The following MACF1 variants were observed in gnomAD, a reference collection of about 807,000 sequenced individuals.
MACF1 encodes the protein microtubule actin crosslinking factor 1, also known as microtubule-actin cross-linking factor 1.
A neutral mutation model predicts 854.8 loss-of-function variants in MACF1; 193 were observed. The observed-to-expected ratio is 0.23, with a 90% CI of 0.20 to 0.25. The LOEUF is 0.25. Ranked by LOEUF, MACF1 falls within the 10% of genes least tolerant of loss-of-function variation. The probability of loss-of-function intolerance (pLI) is 1.00; values close to 1 mark genes in which losing one functional copy is unlikely to be tolerated. For missense variants in MACF1, 7,722 were observed against 8,929.1 expected, an observed-to-expected ratio of 0.86 and a Z score of 5.45; for synonymous variants, 3,185 against 3,226.7, an observed-to-expected ratio of 0.99 and a Z score of 0.44.
rs34578005 is a variant in MACF1, at chr1:39,253,509, A to ATTTTT, written c.358-771_358-767dup. 7.0e-4 allele frequency among the ~76,000 whole-genome samples: 64 copies of ATTTTT among 91,524 alleles called. 1 individual carries two copies. Among genetic ancestry groups the ATTTTT allele is most frequent in the Non-Finnish European group, 9.2e-4 (45 of 49,164 alleles). 60.0% of individuals were successfully genotyped at this position (91,524 alleles called of 152,430 possible). On this transcript the variant is annotated intron_variant, in intron 4 of 100. Transcript: ENST00000564288. ...CTATGGTTAAAAATCAGCTATCTGT[A>ATTTTT]TTTTTTTTTTTTTTTTTTTTTTGAG...
intron 15 of MACF1, among the ~76,000 whole-genome samples, chr1:39,289,500 G>A (rs939332547): frequency 6.6e-6 from 1 of 152,008 alleles, no homozygotes; most frequent in South Asian, 2.1e-4. Context: ...GTGACGTTGA[G>A]CACCTTTTCA....
chr1:39,191,747 C>G (rs1644257380), intron 2 of MACF1, among the ~76,000 whole-genome samples: 1 of 152,214 alleles, frequency 6.6e-6, no homozygotes, highest in African/African-American at 2.4e-5. Context: ...TACTCATTGG[C>G]TTTTCTGCCT....
chr1:39,354,443 T>TA (rs937157270), intron 44 of MACF1, among the ~76,000 whole-genome samples: 6 of 152,104 alleles, frequency 3.9e-5, no homozygotes, highest in Admixed American at 1.3e-4. Context: ...CTTGCTCTGT[T>TA]ACCCAGGCTG....
intron 2 of MACF1, among the ~76,000 whole-genome samples, chr1:39,130,297 C>T (rs1234034036): frequency 6.6e-6 from 1 of 152,168 alleles, no homozygotes; most frequent in Non-Finnish European, 1.5e-5. Context: ...CTAGATGCCT[C>T]CCTATTTTTT....
At chr1:39,258,438 C>A (rs1300036137) in intron 6 of MACF1, among the ~76,000 whole-genome samples, 1 of 152,172 alleles carries the variant, frequency 6.6e-6, no homozygotes, top group Non-Finnish European at 1.5e-5. Flanking sequence ...TTTTTCTCAT[C>A]TCTAATAACC....
chr1:39,213,396 A>G (rs143412399), intron 1 of MACF1, among the ~76,000 whole-genome samples: 3,485 of 152,288 alleles, frequency 0.023, 84 homozygotes, highest in East Asian at 0.13. Flanking sequence ...CAGTGGCACA[A>G]TCTCGGCTCA....
chr1:39,368,943 A>G lies in MACF1; in HGVS notation c.12938+629A>G, dbSNP rs547467313. Among the ~76,000 whole-genome samples the G allele has an allele frequency of 3.3e-5, 5 of 152,176 alleles. No individual in the cohort carries two copies. The South Asian group carries it at 1.0e-3, about 32-fold the overall frequency. On this transcript the variant is annotated intron_variant, in intron 50 of 100. Transcript: ENST00000564288. ...TTACAGAATAATTTTGAAAGAAGAG[A>G]AAAATTGGAAGAGACTTCCTAGACA...
chr1:39,484,863 G>A (rs1034679050), intron 100 of MACF1, 133 bp downstream of exon 100: 5 of 998,728 alleles, frequency 5.0e-6, no homozygotes, highest in Non-Finnish European at 7.9e-6. Context: ...AGACAGACCT[G>A]CAGATGCTCA....
At chr1:39,476,932 C>T (rs1471247161) in intron 97 of MACF1, among the ~76,000 whole-genome samples, 1 of 147,850 alleles carries the variant, frequency 6.8e-6, no homozygotes, top group Non-Finnish European at 1.5e-5. Flanking sequence ...GACGCCTGCT[C>T]CCTTGCTGAC....
At chr1:39,228,936 G>A (rs1325374064) in intron 1 of MACF1, among the ~76,000 whole-genome samples, 1 of 152,176 alleles carries the variant, frequency 6.6e-6, no homozygotes, top group Non-Finnish European at 1.5e-5. Context: ...TTACAGGCGT[G>A]AGCCACCACA....
intron 55 of MACF1, among the ~76,000 whole-genome samples, chr1:39,380,853 A>C: frequency 6.6e-6 from 1 of 152,190 alleles, no homozygotes; most frequent in Non-Finnish European, 1.5e-5. Flanking sequence ...TCAAGGCTGC[A>C]GTGAGCTATG....
intron 2 of MACF1, among the ~76,000 whole-genome samples, chr1:39,124,422 C>G (rs1255239137): frequency 3.9e-5 from 6 of 152,136 alleles, no homozygotes; most frequent in African/African-American, 1.4e-4. Context: ...GAGTAAATGA[C>G]ATGGTGCATT....
At chr1:39,152,545 G>A (rs889764541) in intron 2 of MACF1, among the ~76,000 whole-genome samples, 1 of 152,096 alleles carries the variant, frequency 6.6e-6, no homozygotes, top group Non-Finnish European at 1.5e-5. Flanking sequence ...TCCCTGTTAG[G>A]TGCTTTTAGC....
chr1:39,407,918 T>C (rs1036016963), intron 58 of MACF1, among the ~76,000 whole-genome samples: 4 of 152,238 alleles, frequency 2.6e-5, no homozygotes, highest in Non-Finnish European at 5.9e-5. Flanking sequence ...ATTGGACCCG[T>C]TCAGAGATGC....
At chr1:39,323,463 T>A (rs1646550195) in intron 33 of MACF1, among the ~76,000 whole-genome samples, 1 of 150,628 alleles carries the variant, frequency 6.6e-6, no homozygotes, top group Non-Finnish European at 1.5e-5. Context: ...AATTATTATA[T>A]AATATATATT....
chr1:39,452,171 C>T lies in MACF1; in HGVS notation c.20434C>T (p.Leu6812=). ...MDAHKVFQKE[L]GKRTGTVQVL... is the part of the protein sequence containing the mutation. ...TCTTTTCTAGGTTTTCCAGAAGGAA[C>T]TGGGAAAGCGAACAGGAACCGTTCA... Residue 6812 remains leucine (L), a synonymous_variant, in exon 86 of 101, where the codon CTG becomes TTG. Transcript: ENST00000564288. The T allele has an allele frequency of 6.3e-7, 1 of 1,597,822 alleles. No individual in the cohort carries two copies. Among genetic ancestry groups the T allele is most frequent in the Non-Finnish European group, 8.5e-7 (1 of 1,172,014 alleles).
intron 40 of MACF1, 93 bp from the exon 41 acceptor site, chr1:39,346,884 T>A (rs1438668931): frequency 1.2e-6 from 1 of 804,466 alleles, no homozygotes; most frequent in East Asian, 2.5e-5. Flanking sequence ...TACAGGAAAT[T>A]AGCCTCTCTG....
chr1:39,391,387 T>C (rs1642030848), intron 58 of MACF1, among the ~76,000 whole-genome samples: 1 of 152,178 alleles, frequency 6.6e-6, no homozygotes, highest in Non-Finnish European at 1.5e-5. Context: ...GCCTCTATAG[T>C]ATTATACTGG....
At chr1:39,109,243 T>C (rs1297460319) in intron 2 of MACF1, among the ~76,000 whole-genome samples, 1 of 152,124 alleles carries the variant, frequency 6.6e-6, no homozygotes, top group African/African-American at 2.4e-5. Context: ...TCTGGGCATA[T>C]ATTTGTCCTT....
Sources: allele counts gnomAD v4.1 joint callset (sites outside exome capture counted in the v4.1 genomes callset), GRCh38; gene constraint gnomAD v4.1.1; transcripts MANE v1.5; gene names NCBI Gene and HGNC (gene_info 2026-07-23, HGNC 2026-07-21).